PGBD5: variants seen among roughly 807,000 people sequenced by gnomAD.
PGBD5 encodes piggyBac transposable element derived 5, also known as piggyBac transposable element-derived protein 5.
Under a neutral mutation model 47.9 loss-of-function variants are expected in PGBD5, and 14 were observed. That is an observed-to-expected ratio of 0.29 (90% CI 0.19 to 0.46). The LOEUF (loss-of-function observed/expected upper bound fraction) is 0.46, where lower values mean the gene tolerates loss of function less well. Among genes scored for constraint, PGBD5 ranks in the 20% least tolerant of loss-of-function variants. The pLI, the probability that PGBD5 is intolerant of heterozygous loss-of-function variation, is 1.00. For synonymous variants in PGBD5, 316 were observed against 306.3 expected (o/e 1.03, Z -0.33); for missense variants, 635 against 716.0 (o/e 0.89, Z 1.29).
chr1:230,338,654 G>A (rs1003435754), intron 3 of PGBD5, among the ~76,000 whole-genome samples: 3 of 152,290 alleles, frequency 2.0e-5, no homozygotes, highest in Middle Eastern at 3.4e-3. Flanking sequence ...CAAAAAAGTA[G>A]CCAGGTGTGG....
At chr1:230,392,724 C>T (rs992374429) in intron 1 of PGBD5, among the ~76,000 whole-genome samples, 23 of 152,186 alleles carry the variant, frequency 1.5e-4, no homozygotes, top group African/African-American at 5.1e-4. Flanking sequence ...GGAAATCCCC[C>T]GTGCGGCCCT....
chr1:230,407,057 A>T (rs1267217523), intron 1 of PGBD5, among the ~76,000 whole-genome samples: 1 of 151,934 alleles, frequency 6.6e-6, no homozygotes, highest in African/African-American at 2.4e-5. Context: ...CTGGTCTTGA[A>T]CCCCTGACCT....
intron 4 of PGBD5, 128 bp downstream of exon 4, chr1:230,336,980 G>A: frequency 2.0e-6 from 2 of 1,024,504 alleles, no homozygotes; most frequent in Non-Finnish European, 2.9e-6. Context: ...CCTCAAGGAA[G>A]GGCCTCATCA....
At chr1:230,324,415 G>C (rs1254501332) in intron 6 of PGBD5, among the ~76,000 whole-genome samples, 1 of 152,224 alleles carries the variant, frequency 6.6e-6, no homozygotes, top group Non-Finnish European at 1.5e-5. Flanking sequence ...CAACCTCATG[G>C]AATTTAGTAA....
At chr1:230,373,345 G>A (rs1412492190) in intron 1 of PGBD5, among the ~76,000 whole-genome samples, 4 of 152,180 alleles carry the variant, frequency 2.6e-5, no homozygotes, top group Admixed American at 1.3e-4. Context: ...GTCTTGTGTC[G>A]GCCCCAATAG....
intron 1 of PGBD5, among the ~76,000 whole-genome samples, chr1:230,389,727 T>C (rs1656740703): frequency 6.6e-6 from 1 of 152,136 alleles, no homozygotes; most frequent in South Asian, 2.1e-4. Flanking sequence ...AAAAAGTAGG[T>C]TGAAAAATCC....
intron 1 of PGBD5, among the ~76,000 whole-genome samples, chr1:230,359,667 C>T (rs1031229547): frequency 6.6e-6 from 1 of 152,118 alleles, no homozygotes; most frequent in African/African-American, 2.4e-5. Context: ...TGTCATGCAG[C>T]GTGAAATAAA....
chr1:230,335,814 T>C (rs201948389), intron 4 of PGBD5, among the ~76,000 whole-genome samples: 33 of 8,790 alleles, frequency 3.8e-3, no homozygotes, highest in Non-Finnish European at 6.1e-3. Context: ...CACAGACACA[T>C]ACACTGACAC....
chr1:230,365,553 C>T (rs1043939274), intron 1 of PGBD5, among the ~76,000 whole-genome samples: 4 of 152,208 alleles, frequency 2.6e-5, no homozygotes, highest in Admixed American at 2.0e-4. Context: ...TGATGGCCAA[C>T]TCAAGTGCCT....
intron 1 of PGBD5, among the ~76,000 whole-genome samples, chr1:230,416,505 C>G (rs1237021133): frequency 6.6e-6 from 1 of 152,130 alleles, no homozygotes; most frequent in Non-Finnish European, 1.5e-5. Context: ...TTAGCTTATG[C>G]AGGTGGCAGT....
At chr1:230,350,633 C>T (rs910105829) in intron 3 of PGBD5, among the ~76,000 whole-genome samples, 2 of 152,172 alleles carry the variant, frequency 1.3e-5, no homozygotes, top group African/African-American at 4.8e-5. Flanking sequence ...CTCGTATGAC[C>T]CACTGTTTGG....
intron 1 of PGBD5, chr1:230,377,627 A>C (rs1480505597): frequency 1.3e-6 from 2 of 1,508,780 alleles, no homozygotes; most frequent in Non-Finnish European, 1.8e-6. Flanking sequence ...GGCATATCTG[A>C]CCTACCGAAC....
intron 1 of PGBD5, among the ~76,000 whole-genome samples, chr1:230,364,757 A>G (rs1341354266): frequency 6.6e-6 from 1 of 152,244 alleles, no homozygotes; most frequent in Non-Finnish European, 1.5e-5. Flanking sequence ...GCAGTGGCTC[A>G]CACCTGTAAT....
chr1:230,372,263 G>A (rs752253493), intron 1 of PGBD5, among the ~76,000 whole-genome samples: 10 of 152,218 alleles, frequency 6.6e-5, no homozygotes, highest in Non-Finnish European at 1.3e-4. Flanking sequence ...CTGTGAGCCT[G>A]TTTACAGAGC....
In PGBD5 at chr1:230,372,819, T is replaced by C. The variant is rs114859495; in HGVS notation, c.332-15498A>G. ...TTCAGAGATCCTTGCTGTGGTCAAC[T>C]GAGGTGCTGGGCAATGATGTTTCAG... On this transcript the variant is annotated intron_variant, in intron 1 of 6. Coordinates refer to ENST00000391860, the MANE Select transcript of PGBD5 (RefSeq NM_001258311.2). Among the ~76,000 whole-genome samples the C allele has an allele frequency of 7.1e-3, 1,082 of 152,310 alleles. 13 individuals carry two copies. Among genetic ancestry groups the C allele is most frequent in the African/African-American group, 0.025 (1,040 of 41,562 alleles).
Position 230,337,278 on chromosome 1 carries a change from T to C in PGBD5, c.905A>G (p.His302Arg). The C allele has an allele frequency of 6.2e-7, 1 of 1,610,490 alleles. No homozygotes were observed. Among genetic ancestry groups the C allele is most frequent in the Middle Eastern group, 1.7e-4 (1 of 6,060 alleles). Residue 302 changes from histidine to arginine, a missense_variant, in exon 4 of 7, where the codon CAC becomes CGC. Physicochemically the swap from His to Arg is conservative, Grantham distance 29. Transcript: ENST00000391860. ...STGFIIQIYVHLKEGGGPDGL... is the reference protein window; with the variant it reads ...STGFIIQIYVRLKEGGGPDGL... ...ATCTGGGCCCCCACCTTCCTTCAGG[T>C]GGACATAAATCTTTAACAGAAACAC...
At position 230,320,380 on chromosome 1, in the gene PGBD5, G is replaced by A. The variant is rs1417138812; in HGVS notation, c.*3045C>T. On this transcript the variant is annotated 3_prime_UTR_variant, in exon 7 of 7. Transcript: ENST00000391860. ...GGTTCAATTCCCTGTGAGTTGCAGG[G>A]AAATGCAGATTCTCTTTGGAGAAGC... 2.0e-5 allele frequency: 3 copies of A among 152,236 alleles called. No homozygotes were observed. The highest frequency in any genetic ancestry group is 4.4e-5 in the Non-Finnish European group (3 of 68,046). 9.4% of individuals were successfully genotyped at this position (152,236 alleles called of 1,614,324 possible). A position where few individuals can be genotyped will look rare whatever the true frequency, so the allele number is the denominator to read the frequency against.
intron 5 of PGBD5, among the ~76,000 whole-genome samples, chr1:230,328,851 T>C (rs1052259150): frequency 2.6e-5 from 4 of 152,216 alleles, no homozygotes; most frequent in African/African-American, 9.6e-5. Flanking sequence ...AGGAGGAAGA[T>C]GACAGACCCA....
In PGBD5 at chr1:230,351,018, C is replaced by T; in HGVS notation, c.834G>A (p.Arg278=). The change falls in exon 3 of 7, where the codon AGG becomes AGA. Residue 278 remains arginine (R), a synonymous_variant. Transcript: ENST00000391860. ...ATCTERELRK[R]KKRKFSLWVR... is the part of the protein sequence containing the mutation. ...CCCAGAGGCTGAATTTCCGCTTTTT[C>T]CTCTTTCGCAGCTCCCGCTCTGTGC... 2 of 1,614,114 alleles carry T rather than the reference C, an allele frequency of 1.2e-6. No homozygotes were observed. The highest frequency in any genetic ancestry group is 8.5e-7 in the Non-Finnish European group (1 of 1,179,998).
Sources: allele counts gnomAD v4.1 joint callset (sites outside exome capture counted in the v4.1 genomes callset), GRCh38; gene constraint gnomAD v4.1.1; transcripts MANE v1.5; gene names NCBI Gene and HGNC (gene_info 2026-07-23, HGNC 2026-07-21).